Variants in ASPSCR1 observed in about 807,000 individuals in gnomAD.
The protein encoded by ASPSCR1 is ASPSCR1 tether for SLC2A4, UBX domain containing, also known as tether containing UBX domain for GLUT4.
Under a neutral mutation model 68.9 loss-of-function variants are expected in ASPSCR1, and 55 were observed. That is an observed-to-expected ratio of 0.80 (90% confidence interval 0.64 to 1.00). ASPSCR1 has a LOEUF of 1.00. ASPSCR1 is among the 50% of genes least tolerant of loss of function. The pLI is 0.00. For synonymous variants in ASPSCR1, 352 were observed against 332.6 expected, an observed-to-expected ratio of 1.06 and a Z score of -0.63; for missense variants, 765 against 762.2, an observed-to-expected ratio of 1.00 and a Z score of -0.04.
At chr17:82,004,128 C>T (rs1185479441) in intron 7 of ASPSCR1, among the ~76,000 whole-genome samples, 2 of 152,234 alleles carry the variant, frequency 1.3e-5, no homozygotes, top group Non-Finnish European at 2.9e-5. Context: ...AAGGAGACCT[C>T]TGGGCAGTGT....
chr17:82,001,630 G>A (rs956708529), intron 7 of ASPSCR1, among the ~76,000 whole-genome samples: 3 of 152,188 alleles, frequency 2.0e-5, no homozygotes, highest in African/African-American at 7.2e-5. Flanking sequence ...GGGGAGAACT[G>A]GGAGTGTGGG....
intron 7 of ASPSCR1, among the ~76,000 whole-genome samples, chr17:82,000,913 C>T (rs1207758085): frequency 6.6e-6 from 1 of 152,168 alleles, no homozygotes; most frequent in Admixed American, 6.5e-5. Flanking sequence ...CCCCCCACAA[C>T]TCGGCCTCCC....
intron 7 of ASPSCR1, among the ~76,000 whole-genome samples, chr17:82,003,445 C>A (rs1443844489): frequency 6.6e-6 from 1 of 152,248 alleles, no homozygotes; most frequent in East Asian, 1.9e-4. Flanking sequence ...GAGACGCTGT[C>A]TCAAAACAGA....
At chr17:82,004,056 T>G (rs2042624651) in intron 7 of ASPSCR1, among the ~76,000 whole-genome samples, 1 of 152,162 alleles carries the variant, frequency 6.6e-6, no homozygotes, top group Admixed American at 6.5e-5. Flanking sequence ...TGGGGCCACC[T>G]CCGAATGGGT....
At chr17:82,010,331 C>G (rs998340210) in intron 9 of ASPSCR1, among the ~76,000 whole-genome samples, 25 of 151,094 alleles carry the variant, frequency 1.7e-4, no homozygotes, top group South Asian at 6.2e-4. Flanking sequence ...AGATCGAGAC[C>G]ATCCTGGCTG....
chr17:81,984,592 AAG>A (rs1164421045), intron 3 of ASPSCR1, among the ~76,000 whole-genome samples: 1 of 151,874 alleles, frequency 6.6e-6, no homozygotes, highest in Non-Finnish European at 1.5e-5. Flanking sequence ...AAAAAAAAAA[AAG>A]AGCAGCAAAC....
chr17:82,004,389 C>G (rs910501337), intron 7 of ASPSCR1: 2 of 152,350 alleles, frequency 1.3e-5, no homozygotes, highest in South Asian at 4.1e-4. Context: ...TGGTCCGGTC[C>G]TTGGCGGCCC....
rs1044704107 is a variant in ASPSCR1, at chr17:81,983,463, G to C, written c.159-91G>C. The C allele has an allele frequency of 1.1e-6, 1 of 949,172 alleles. No homozygotes were observed. Among genetic ancestry groups the C allele is most frequent in the Admixed American group, 2.2e-5 (1 of 46,106 alleles). 58.8% of individuals were successfully genotyped at this position (949,172 alleles called of 1,614,324 possible). On this transcript the variant is annotated intron_variant, in intron 2 of 15. Transcript: ENST00000306739. This position sits in a 1 kb window ranked among gnomAD's most constrained non-coding sequence, Gnocchi z 4.4. ...TGGATGGCGGGGCGTGGATGGCGGG[G>C]CGTGGATGGTGGGACGGGGATGGCG...
intron 5 of ASPSCR1, 178 bp downstream of exon 5, chr17:81,995,056 C>G (rs188275204): frequency 1.6e-6 from 1 of 614,664 alleles, no homozygotes; most frequent in Non-Finnish European, 2.7e-6. Flanking sequence ...CGGGCTGCCC[C>G]GAAACCTCCC....
intron 12 of ASPSCR1, chr17:82,015,905 C>T (rs1307597112): frequency 5.9e-6 from 1 of 169,416 alleles, no homozygotes; most frequent in Admixed American, 5.5e-5. Flanking sequence ...TCAAAGCATT[C>T]ACGGCCCTTG....
intron 12 of ASPSCR1, among the ~76,000 whole-genome samples, 161 bp downstream of exon 12, chr17:82,012,444 G>A (rs561460429): frequency 1.3e-5 from 2 of 152,332 alleles, no homozygotes; most frequent in South Asian, 2.1e-4. Flanking sequence ...GTGCGCCTCT[G>A]AAGTTGCTTC....
rs778194480 is a variant in ASPSCR1 at position 82,016,949 on chromosome 17, C to G, written c.1484C>G (p.Ser495Cys). 6.8e-6 allele frequency: 11 copies of G among 1,611,640 alleles called. No individual in the cohort carries two copies. The highest frequency in any genetic ancestry group is 1.3e-5 in the African/African-American group (1 of 74,898). ...TCTTCGCCTCCCCACAGGTACATGT[C>G]CAGGGCCGCCGGGTCCCCTTCCCCA... ...AADVLVARYM[S>C]RAAGSPSPLP... Residue 495 changes from serine to cysteine, a missense_variant, in exon 15 of 16, where the codon TCC (serine) becomes TGC (cysteine). By Grantham distance (112) the Ser-to-Cys change is moderately radical. Transcript: ENST00000306739.
At chr17:81,978,053 C>G (rs1419429307) in intron 1 of ASPSCR1, 2 of 203,526 alleles carry the variant, frequency 9.8e-6, no homozygotes, top group Non-Finnish European at 1.9e-5. Flanking sequence ...GCGAGGGCGC[C>G]GGGAAGAGGG....
At chr17:81,995,747 C>T (rs9906783) in intron 5 of ASPSCR1, among the ~76,000 whole-genome samples, 17,491 of 152,278 alleles carry the variant, frequency 0.11, 1,588 homozygotes, top group African/African-American at 0.25. Flanking sequence ...GTCCCAGCTG[C>T]GGAGACCAGG....
At position 81,977,917 on chromosome 17, in the gene ASPSCR1, T is replaced by TGGGGTCCCG. The variant is rs574787640; in HGVS notation, c.102+188_102+196dup. ...TGCTCGCCGTCACCTGCGCTTCCGC[T>TGGGGTCCCG]GGGGTCCCGGGGGTCCCGGGGGTCC... On this transcript the variant is annotated intron_variant, in intron 1 of 15. Transcript: ENST00000306739. This position sits in a 1 kb window ranked among gnomAD's most constrained non-coding sequence, Gnocchi z 5.0. The TGGGGTCCCG allele has an allele frequency of 4.5e-5, 19 of 425,892 alleles. No individual in the cohort carries two copies. The highest frequency in any genetic ancestry group is 7.2e-4 in the Middle Eastern group (1 of 1,398). The allele number at this position is 425,892 out of a possible 1,614,324, so 26.4% of individuals were successfully genotyped here. A position where few individuals can be genotyped will look rare whatever the true frequency, so the allele number is the denominator to read the frequency against.
chr17:81,978,935 G>A (rs1283133928), intron 1 of ASPSCR1: 5 of 575,938 alleles, frequency 8.7e-6, no homozygotes, highest in Admixed American at 3.0e-5. Flanking sequence ...TGTACTGCAG[G>A]GGAACTCTGA....
intron 7 of ASPSCR1, among the ~76,000 whole-genome samples, chr17:82,001,114 G>A (rs565473391): frequency 2.5e-4 from 38 of 152,308 alleles, no homozygotes; most frequent in African/African-American, 8.4e-4. Context: ...CTCGTGGGGC[G>A]GGGAGGAGCC....
rs896243074 is a variant in ASPSCR1 at position 82,016,943 on chromosome 17, A to C, written c.1478A>C (p.Tyr493Ser). 7 of 1,610,848 alleles carry C rather than the reference A, an allele frequency of 4.3e-6. No homozygotes were observed. In the South Asian group the frequency reaches 7.7e-5, roughly 18 times the overall value. ...PSAADVLVAR[Y>S]MSRAAGSPSP... ...TCTGTGTCTTCGCCTCCCCACAGGT[A>C]CATGTCCAGGGCCGCCGGGTCCCCT... is the stretch of plus-strand genomic sequence containing the variant. Residue 493 changes from tyrosine to serine, a missense_variant and splice_region_variant, in exon 15 of 16, where the codon TAC becomes TCC. Physicochemically the swap from Tyr to Ser is moderately radical, Grantham distance 144. Coordinates refer to ENST00000306739, the MANE Select transcript of ASPSCR1 (RefSeq NM_024083.4).
In ASPSCR1 at chr17:82,012,046, C is replaced by G. The variant is rs963222857; in HGVS notation, c.1301-185C>G. 18 of 759,146 alleles carry G rather than the reference C, an allele frequency of 2.4e-5. No homozygotes were observed. In the East Asian group the frequency reaches 2.9e-4, roughly 12 times the overall value. The allele number at this position is 759,146 out of a possible 1,614,324, so 47.0% of individuals were successfully genotyped here. On this transcript the variant is annotated intron_variant, in intron 11 of 15. Coordinates refer to ENST00000306739, the MANE Select transcript of ASPSCR1 (RefSeq NM_024083.4). ...GTCCCCTGCAGGTGGGCCTGCCCCCCACCGGCCCTTCCGAGCCCTCAGCTG... is the reference window on the plus strand; with the variant it reads ...GTCCCCTGCAGGTGGGCCTGCCCCCGACCGGCCCTTCCGAGCCCTCAGCTG...
Sources: allele counts gnomAD v4.1 joint callset (sites outside exome capture counted in the v4.1 genomes callset), GRCh38; gene constraint gnomAD v4.1.1; non-coding constraint Gnocchi (gnomAD v3.1); transcripts MANE v1.5; gene names NCBI Gene and HGNC (gene_info 2026-07-23, HGNC 2026-07-21).